The following PIP5K1B variants were observed in gnomAD, a reference collection of about 807,000 sequenced individuals.
The protein encoded by PIP5K1B is phosphatidylinositol-4-phosphate 5-kinase type 1 beta, also known as phosphatidylinositol 4-phosphate 5-kinase type-1 beta.
In PIP5K1B, 42 loss-of-function variants were observed where a neutral mutation model predicts 67.0. The observed-to-expected ratio is 0.63, with a 90% CI of 0.49 to 0.81. PIP5K1B has a LOEUF of 0.81. Among genes scored for constraint, PIP5K1B ranks in the 30% least tolerant of loss-of-function variants. PIP5K1B has a pLI of 0.00. For missense variants in PIP5K1B, 459 were observed against 646.3 expected, an observed-to-expected ratio of 0.71 and a Z score of 3.14; for synonymous variants, 214 against 231.4, an observed-to-expected ratio of 0.92 and a Z score of 0.68.
intron 10 of PIP5K1B, 34 bp downstream of exon 10, chr9:68,919,596 C>A: frequency 7.1e-7 from 1 of 1,402,542 alleles, no homozygotes; most frequent in South Asian, 1.2e-5. Flanking sequence ...TTTATTATTT[C>A]AAAATCAATC....
intron 15 of PIP5K1B, among the ~76,000 whole-genome samples, chr9:69,007,690 TA>T (rs1831150658): frequency 6.6e-6 from 1 of 151,770 alleles, no homozygotes; most frequent in African/African-American, 2.4e-5. Context: ...ACCCCATCTC[TA>T]CTAAAAATAC....
intron 14 of PIP5K1B, chr9:68,966,459 C>T (rs1174885555): frequency 5.9e-5 from 9 of 152,220 alleles, no homozygotes; most frequent in African/African-American, 2.2e-4. Flanking sequence ...TACTTGACCT[C>T]TGTGATCTTC....
At chr9:68,786,515 C>T (rs1455175329) in intron 2 of PIP5K1B, among the ~76,000 whole-genome samples, 1 of 151,660 alleles carries the variant, frequency 6.6e-6, no homozygotes, top group Non-Finnish European at 1.5e-5. Context: ...GACCATTTCC[C>T]AGCTAACTTT....
rs5898051 is a variant in PIP5K1B at position 68,920,359 on chromosome 9, C to CTTTTTTTTTTTTTTTTTTT, written c.1116+638_1116+656dup. ...ATACATGCTGGCTGCCTGAGGTTGT[C>CTTTTTTTTTTTTTTTTTTT]TTTTTTTTTTTTTTTTTTTTTTTTT... On this transcript the variant is annotated intron_variant, in intron 11 of 15. Coordinates refer to ENST00000265382, the MANE Select transcript of PIP5K1B (RefSeq NM_003558.4). Among the ~76,000 whole-genome samples, 79 of 98,374 alleles carry CTTTTTTTTTTTTTTTTTTT rather than the reference C, an allele frequency of 8.0e-4. 27 individuals carry two copies. The highest frequency in any genetic ancestry group is 1.9e-3 in the African/African-American group (53 of 27,492). 64.5% of individuals were successfully genotyped at this position (98,374 alleles called of 152,430 possible). A position where few individuals can be genotyped will look rare whatever the true frequency, so the allele number is the denominator to read the frequency against.
chr9:68,744,882 A>G (rs933912610), intron 2 of PIP5K1B, among the ~76,000 whole-genome samples: 5 of 152,072 alleles, frequency 3.3e-5, no homozygotes, highest in Admixed American at 1.3e-4. Context: ...AAGCCCACCA[A>G]TCCATTCGTA....
At chr9:68,766,891 A>T (rs1350250302) in intron 2 of PIP5K1B, among the ~76,000 whole-genome samples, 8 of 152,220 alleles carry the variant, frequency 5.3e-5, no homozygotes, top group African/African-American at 1.9e-4. Context: ...TTACTTTATT[A>T]AAGTGGTCCC....
At chr9:68,969,365 C>G (rs1829228101) in intron 14 of PIP5K1B, among the ~76,000 whole-genome samples, 1 of 56,622 alleles carries the variant, frequency 1.8e-5, no homozygotes, top group Non-Finnish European at 3.8e-5. Context: ...GAGACTCCAC[C>G]TCAAAAAAAA....
At chr9:68,982,348 A>G (rs1459337331) in intron 14 of PIP5K1B, among the ~76,000 whole-genome samples, 3 of 152,250 alleles carry the variant, frequency 2.0e-5, no homozygotes, top group African/African-American at 4.8e-5. Context: ...GAAATCAACA[A>G]TGCAGTAAAA....
rs140411650 is a variant in PIP5K1B at position 68,925,170 on chromosome 9, G to T, written c.1201+1784G>T. ...TCTATTTAACCATTCTTTCAGTATT[G>T]GGCATTTACATTGTTTCTCCTTTTT... On this transcript the variant is annotated intron_variant, in intron 12 of 15. Transcript: ENST00000265382. Among the ~76,000 whole-genome samples, 445 of 150,242 alleles carry T rather than the reference G, an allele frequency of 3.0e-3. 1 individual carries two copies. The highest frequency in any genetic ancestry group is 0.01 in the African/African-American group (420 of 40,786).
At chr9:68,968,051 AGACTCAGATCTGGCTCAGAATTCT>A (rs1025280156) in intron 14 of PIP5K1B, among the ~76,000 whole-genome samples, 4 of 152,242 alleles carry the variant, frequency 2.6e-5, no homozygotes. Flanking sequence ...AGAAAAGAGA[AGACTCAGATCTGGCTCAGAATTCT>A]GATTAAAGCT....
In PIP5K1B at chr9:68,874,686, G is replaced by A. The variant is rs958293291; in HGVS notation, c.201-1991G>A. ...CAACAAAATGAGAAACTCCATTTAG[G>A]TGGAACATGGGTGTTTTATCTTACC... On this transcript the variant is annotated intron_variant, in intron 5 of 15. Transcript: ENST00000265382. 3.3e-5 allele frequency among the ~76,000 whole-genome samples: 5 copies of A among 152,296 alleles called. No homozygotes were observed. The South Asian group carries it at 1.0e-3, about 32-fold the overall frequency.
intron 2 of PIP5K1B, chr9:68,780,106 C>T (rs1279049708): frequency 2.7e-6 from 4 of 1,473,442 alleles, no homozygotes; most frequent in Non-Finnish European, 1.8e-6. Context: ...CCCTGGACTG[C>T]GGGGAATGGG....
intron 14 of PIP5K1B, among the ~76,000 whole-genome samples, chr9:68,988,820 C>T (rs932888418): frequency 2.0e-5 from 3 of 151,870 alleles, no homozygotes; most frequent in Non-Finnish European, 4.4e-5. Context: ...CAATTTGTTG[C>T]GCATGGTGGC....
chr9:68,795,236 C>T (rs1160754996), intron 2 of PIP5K1B, among the ~76,000 whole-genome samples: 1 of 152,130 alleles, frequency 6.6e-6, no homozygotes, highest in Non-Finnish European at 1.5e-5. Flanking sequence ...CTACATTCCA[C>T]ACCTAACCTT....
chr9:68,892,526 T>A (rs1428633352), intron 7 of PIP5K1B, among the ~76,000 whole-genome samples: 2 of 152,192 alleles, frequency 1.3e-5, no homozygotes, highest in African/African-American at 4.8e-5. Context: ...AATTGGAAAA[T>A]GTCAGACTGT....
chr9:68,766,449 C>A (rs1413040554), intron 2 of PIP5K1B, among the ~76,000 whole-genome samples: 1 of 152,110 alleles, frequency 6.6e-6, no homozygotes, highest in Admixed American at 6.5e-5. Context: ...ACCTGCTTAT[C>A]CCCTATTAGA....
intron 1 of PIP5K1B, chr9:68,728,725 G>A (rs1451862453): frequency 1.3e-5 from 2 of 152,184 alleles, no homozygotes; most frequent in African/African-American, 4.8e-5. Flanking sequence ...GACAAGTAGA[G>A]CTTTATGAAC....
At chr9:68,845,169 C>T (rs1228435892) in intron 4 of PIP5K1B, among the ~76,000 whole-genome samples, 1 of 152,216 alleles carries the variant, frequency 6.6e-6, no homozygotes, top group Non-Finnish European at 1.5e-5. Flanking sequence ...GAAGCTGTCT[C>T]AGAGTCTCAC....
chr9:68,793,981 G>A (rs1187923240), intron 2 of PIP5K1B, among the ~76,000 whole-genome samples: 1 of 152,234 alleles, frequency 6.6e-6, no homozygotes, highest in Non-Finnish European at 1.5e-5. Context: ...AACCAAGAGA[G>A]CACGGCGCTT....
Sources: gnomAD v4.1 joint callset for allele counts (sites outside exome capture counted in the v4.1 genomes callset) on GRCh38, gnomAD v4.1.1 for gene constraint, MANE v1.5 for transcripts, NCBI Gene and HGNC (gene_info 2026-07-23, HGNC 2026-07-21) for gene names.